Variants in DGKB observed in about 807,000 individuals in gnomAD.
DGKB encodes the protein diacylglycerol kinase beta.
A neutral mutation model predicts 114.3 loss-of-function variants in DGKB; 67 were observed. The observed-to-expected ratio is 0.59, with a 90% confidence interval of 0.48 to 0.72. The LOEUF is 0.72. Among genes scored for constraint, DGKB ranks in the 30% least tolerant of loss-of-function variants. The pLI, the probability that DGKB is intolerant of heterozygous loss-of-function variation, is 0.00. For missense variants in DGKB, 907 were observed against 975.2 expected, an observed-to-expected ratio of 0.93 and a Z score of 0.93; for synonymous variants, 398 against 323.1, an observed-to-expected ratio of 1.23 and a Z score of -2.49.
At chr7:14,863,379 G>A (rs140029110) in intron 1 of DGKB, among the ~76,000 whole-genome samples, 1 of 151,050 alleles carries the variant, frequency 6.6e-6, no homozygotes, top group Admixed American at 6.6e-5. Flanking sequence ...CTATGGTCAA[G>A]AAGGTAATAA....
At chr7:14,516,616 AT>A (rs1233617338) in intron 20 of DGKB, among the ~76,000 whole-genome samples, 1 of 152,104 alleles carries the variant, frequency 6.6e-6, no homozygotes, top group Non-Finnish European at 1.5e-5. Flanking sequence ...ATTTCTAGGC[AT>A]TTTATTCTTT....
At chr7:14,635,415 A>G (rs975185825) in intron 13 of DGKB, among the ~76,000 whole-genome samples, 5 of 151,298 alleles carry the variant, frequency 3.3e-5, no homozygotes, top group Admixed American at 3.3e-4. Context: ...AATGGAGAAA[A>G]ATGGAGACAG....
intron 1 of DGKB, among the ~76,000 whole-genome samples, chr7:14,964,749 T>C (rs73288996): frequency 1.8e-3 from 276 of 152,238 alleles, no homozygotes; most frequent in African/African-American, 6.3e-3. Context: ...AGGAATTGAC[T>C]GTTGGTCATT....
intron 2 of DGKB, among the ~76,000 whole-genome samples, chr7:14,831,703 A>T (rs1846438752): frequency 6.6e-6 from 1 of 152,066 alleles, no homozygotes; most frequent in Non-Finnish European, 1.5e-5. Context: ...GCATCCGAGG[A>T]TCTGCAGCAG....
At chr7:14,448,031 T>C (rs1830966134) in intron 21 of DGKB, among the ~76,000 whole-genome samples, 1 of 152,132 alleles carries the variant, frequency 6.6e-6, no homozygotes, top group Admixed American at 6.6e-5. Context: ...TATGCATGCA[T>C]TCACTAATCT....
At chr7:14,943,381 C>T (rs564835854) in intron 1 of DGKB, among the ~76,000 whole-genome samples, 7 of 151,780 alleles carry the variant, frequency 4.6e-5, no homozygotes, top group East Asian at 1.9e-4. Context: ...ATAAAACAAA[C>T]GAAGTGTACA....
At chr7:14,381,931 T>C (rs1487122374) in intron 21 of DGKB, among the ~76,000 whole-genome samples, 2 of 152,226 alleles carry the variant, frequency 1.3e-5, no homozygotes, top group African/African-American at 4.8e-5. Flanking sequence ...CCCAGAGCTC[T>C]AGTTCTTGAT....
At chr7:14,856,571 T>C (rs1161169989) in intron 1 of DGKB, among the ~76,000 whole-genome samples, 2 of 152,148 alleles carry the variant, frequency 1.3e-5, no homozygotes, top group Admixed American at 1.3e-4. Context: ...ACTTGCATTT[T>C]TTACTCAAGT....
chr7:14,640,360 A>C (rs1458733432), intron 13 of DGKB, among the ~76,000 whole-genome samples: 1 of 152,238 alleles, frequency 6.6e-6, no homozygotes, highest in African/African-American at 2.4e-5. Context: ...ATGTTGAAGA[A>C]ATGATAATCA....
intron 2 of DGKB, among the ~76,000 whole-genome samples, chr7:14,809,551 T>C (rs1322287569): frequency 6.6e-6 from 1 of 152,136 alleles, no homozygotes; most frequent in Admixed American, 6.6e-5. Flanking sequence ...AAGAGACATG[T>C]AAGAAATTTG....
intron 2 of DGKB, among the ~76,000 whole-genome samples, chr7:14,804,245 T>C (rs768034011): frequency 6.6e-6 from 1 of 152,056 alleles, no homozygotes; most frequent in African/African-American, 2.4e-5. Flanking sequence ...TATTTTTCCA[T>C]TGTCTTCTGA....
At chr7:14,652,885 CAAA>C (rs1284367520) in intron 13 of DGKB, among the ~76,000 whole-genome samples, 8 of 151,738 alleles carry the variant, frequency 5.3e-5, no homozygotes, top group African/African-American at 1.5e-4. Flanking sequence ...TTTATGCAGC[CAAA>C]AAAACACATG....
intron 21 of DGKB, among the ~76,000 whole-genome samples, chr7:14,466,868 G>A (rs1780558594): frequency 6.6e-6 from 1 of 152,080 alleles, no homozygotes; most frequent in Non-Finnish European, 1.5e-5. Context: ...AGAGAGGCTA[G>A]ATGGATTCAG....
chr7:14,163,306 C>T (rs1784172936), intron 25 of DGKB, among the ~76,000 whole-genome samples: 1 of 151,730 alleles, frequency 6.6e-6, no homozygotes, highest in South Asian at 2.1e-4. Flanking sequence ...GCTTGAGGGC[C>T]AGAAAGCATA....
chr7:14,925,873 C>CG (rs200837723), intron 1 of DGKB, among the ~76,000 whole-genome samples: 51 of 151,870 alleles, frequency 3.4e-4, no homozygotes, highest in Non-Finnish European at 6.8e-4. Context: ...GGTCCCCCCC[C>CG]CACTTCCAGT....
chr7:14,462,704 C>A (rs1833262023), intron 21 of DGKB, among the ~76,000 whole-genome samples: 1 of 152,158 alleles, frequency 6.6e-6, no homozygotes, highest in African/African-American at 2.4e-5. Flanking sequence ...CCCCATCAAG[C>A]AACCATTGAC....
intron 23 of DGKB, among the ~76,000 whole-genome samples, chr7:14,219,625 T>C (rs1230965922): frequency 6.6e-6 from 1 of 151,800 alleles, no homozygotes; most frequent in Non-Finnish European, 1.5e-5. Flanking sequence ...CATGCTGTAA[T>C]TGGGCTATTT....
chr7:14,666,781 T>TA (rs373736313), intron 13 of DGKB, among the ~76,000 whole-genome samples: 28 of 151,586 alleles, frequency 1.8e-4, no homozygotes, highest in Admixed American at 1.4e-3. Context: ...TTTTTTTTCT[T>TA]AAAAAAAAGC....
chr7:14,438,403 T>A lies in DGKB; in HGVS notation c.1835+39758A>T, dbSNP rs900239801. ...CACCGAAAACATTTTGTTAATTTTG[T>A]ACTCATGTTCTAAACATTATTTAAA... On this transcript the variant is annotated intron_variant, in intron 21 of 25. Transcript: ENST00000402815. Among the ~76,000 whole-genome samples the A allele has an allele frequency of 4.6e-5, 7 of 152,142 alleles. No homozygotes were observed. The East Asian group carries it at 1.4e-3, about 29-fold the overall frequency.
Sources: gnomAD v4.1 joint callset for allele counts (sites outside exome capture counted in the v4.1 genomes callset) on GRCh38, gnomAD v4.1.1 for gene constraint, MANE v1.5 for transcripts, NCBI Gene and HGNC (gene_info 2026-07-23, HGNC 2026-07-21) for gene names.